Variants in GRIK2 observed in about 807,000 individuals in gnomAD.
The protein encoded by GRIK2 is glutamate ionotropic receptor kainate type subunit 2.
A neutral mutation model predicts 100.3 loss-of-function variants in GRIK2; 32 were observed. The ratio of observed to expected loss-of-function variants is 0.32; its 90% CI spans 0.24 to 0.43. The LOEUF (loss-of-function observed/expected upper bound fraction) is 0.43. Among genes scored for constraint, GRIK2 ranks in the 20% least tolerant of loss-of-function variants. The pLI is 1.00. For synonymous variants in GRIK2, 417 were observed against 389.4 expected, an observed-to-expected ratio of 1.07 and a Z score of -0.83; for missense variants, 843 against 1,114.9, an observed-to-expected ratio of 0.76 and a Z score of 3.47.
intron 14 of GRIK2, among the ~76,000 whole-genome samples, chr6:102,006,682 A>G (rs1235116553): frequency 6.6e-6 from 1 of 151,534 alleles, no homozygotes; most frequent in Non-Finnish European, 1.5e-5. Context: ...ATACTGTCAT[A>G]CTGAGATAAT....
At chr6:101,714,410 T>A (rs1773923892) in intron 7 of GRIK2, among the ~76,000 whole-genome samples, 1 of 151,790 alleles carries the variant, frequency 6.6e-6, no homozygotes, top group Admixed American at 6.6e-5. Flanking sequence ...TATTGATGTA[T>A]CTTACTTTAC....
chr6:101,462,095 T>C (rs1771340434), intron 2 of GRIK2, among the ~76,000 whole-genome samples: 1 of 152,204 alleles, frequency 6.6e-6, no homozygotes, highest in Non-Finnish European at 1.5e-5. Context: ...ATAGAGACAC[T>C]AATATACCTC....
chr6:101,912,916 T>C (rs1211336164), intron 12 of GRIK2, among the ~76,000 whole-genome samples: 6 of 126,934 alleles, frequency 4.7e-5, no homozygotes, highest in African/African-American at 1.5e-4. Context: ...AAAAATTCTT[T>C]ATCTTTATAG....
intron 2 of GRIK2, among the ~76,000 whole-genome samples, chr6:101,529,660 T>C (rs1775328827): frequency 6.6e-6 from 1 of 152,086 alleles, no homozygotes; most frequent in Non-Finnish European, 1.5e-5. Context: ...CTGTGGAATC[T>C]ATAAAGAGGG....
intron 2 of GRIK2, among the ~76,000 whole-genome samples, chr6:101,593,021 G>A (rs1778749282): frequency 6.6e-6 from 1 of 151,876 alleles, no homozygotes; most frequent in African/African-American, 2.4e-5. Flanking sequence ...AGCTGGAGTG[G>A]AGAGTTAGAA....
chr6:101,937,120 G>A (rs376589407), intron 14 of GRIK2, among the ~76,000 whole-genome samples: 4 of 152,068 alleles, frequency 2.6e-5, no homozygotes, highest in Non-Finnish European at 4.4e-5. Flanking sequence ...AGCTTTGGGC[G>A]CTTTAACTGA....
At chr6:101,982,322 A>G (rs1793758422) in intron 14 of GRIK2, among the ~76,000 whole-genome samples, 1 of 151,932 alleles carries the variant, frequency 6.6e-6, no homozygotes, top group Admixed American at 6.6e-5. Flanking sequence ...CTTCAGAAAT[A>G]TAATTTTCTG....
intron 2 of GRIK2, among the ~76,000 whole-genome samples, chr6:101,487,566 A>G (rs1772893074): frequency 6.8e-6 from 1 of 147,116 alleles, no homozygotes. Context: ...AATCACCAAT[A>G]TGTATAAAAC....
At chr6:101,957,865 A>G (rs1460082243) in intron 14 of GRIK2, among the ~76,000 whole-genome samples, 2 of 151,930 alleles carry the variant, frequency 1.3e-5, no homozygotes, top group Non-Finnish European at 2.9e-5. Context: ...GATGTATTCT[A>G]TATTACATTC....
intron 16 of GRIK2, 36 bp downstream of exon 16, chr6:102,055,616 A>T (rs754329823): frequency 1.3e-6 from 2 of 1,507,566 alleles, no homozygotes; most frequent in Admixed American, 1.8e-5. Flanking sequence ...ATTTAAAACA[A>T]TTTTTGTTGT....
At chr6:101,614,834 A>T (rs529477249) in intron 2 of GRIK2, among the ~76,000 whole-genome samples, 16 of 151,874 alleles carry the variant, frequency 1.1e-4, no homozygotes, top group African/African-American at 3.4e-4. Flanking sequence ...GACCTATTTG[A>T]AAAGTCTCAG....
At chr6:101,686,031 T>C (rs2128343864) in intron 6 of GRIK2, 149 bp from the exon 7 acceptor site, 2 of 567,708 alleles carry the variant, frequency 3.5e-6, no homozygotes, top group Non-Finnish European at 6.3e-6. Context: ...GACAGTCTAT[T>C]TGAATCTTGG....
intron 2 of GRIK2, among the ~76,000 whole-genome samples, chr6:101,458,986 A>C (rs1771152591): frequency 6.6e-6 from 1 of 152,198 alleles, no homozygotes; most frequent in Non-Finnish European, 1.5e-5. Flanking sequence ...AGAAACCACA[A>C]AAATTTGATG....
chr6:101,792,760 G>C (rs1017296021), intron 7 of GRIK2, among the ~76,000 whole-genome samples: 7 of 152,022 alleles, frequency 4.6e-5, no homozygotes, highest in Non-Finnish European at 7.4e-5. Flanking sequence ...GGCCTGCCTT[G>C]CTAGGTTGGG....
intron 8 of GRIK2, among the ~76,000 whole-genome samples, chr6:101,801,620 T>C (rs992846386): frequency 2.0e-5 from 3 of 151,978 alleles, no homozygotes; most frequent in Non-Finnish European, 4.4e-5. Context: ...AACTACTTTT[T>C]CCTAAGCTAT....
chr6:101,737,923 C>G (rs1386261158), intron 7 of GRIK2, among the ~76,000 whole-genome samples: 1 of 151,996 alleles, frequency 6.6e-6, no homozygotes, highest in Non-Finnish European at 1.5e-5. Flanking sequence ...TCAATGTCAA[C>G]AGGATATTTA....
At chr6:101,436,594 C>T (rs545754075) in intron 2 of GRIK2, among the ~76,000 whole-genome samples, 2 of 152,064 alleles carry the variant, frequency 1.3e-5, no homozygotes, top group East Asian at 3.9e-4. Flanking sequence ...GGAGCAAGAA[C>T]TAGTCTGGAT....
chr6:101,429,806 A>G (rs1315094551), intron 2 of GRIK2, among the ~76,000 whole-genome samples: 1 of 152,182 alleles, frequency 6.6e-6, no homozygotes, highest in Non-Finnish European at 1.5e-5. Flanking sequence ...GTCATTTCTT[A>G]AAGAATTGAG....
chr6:101,566,938 C>T (rs1485005685), intron 2 of GRIK2, among the ~76,000 whole-genome samples: 1 of 149,676 alleles, frequency 6.7e-6, no homozygotes, highest in Non-Finnish European at 1.5e-5. Flanking sequence ...CTATAATAGA[C>T]AAATATAAAT....
Sources: allele counts gnomAD v4.1 joint callset (sites outside exome capture counted in the v4.1 genomes callset), GRCh38; gene constraint gnomAD v4.1.1; transcripts MANE v1.5; gene names NCBI Gene and HGNC (gene_info 2026-07-23, HGNC 2026-07-21).